Variants in GPC6 observed in about 807,000 individuals in gnomAD.
GPC6 encodes the protein glypican 6, also known as glypican-6.
A neutral mutation model predicts 55.2 loss-of-function variants in GPC6; 14 were observed. That is an observed-to-expected ratio of 0.25 (90% CI 0.17 to 0.40). GPC6 has a LOEUF of 0.40. Among genes scored for constraint, GPC6 ranks in the 10% least tolerant of loss-of-function variants. The pLI is 1.00. For synonymous variants in GPC6, 278 were observed against 259.6 expected (o/e 1.07, Z -0.68); for missense variants, 641 against 708.5 (o/e 0.90, Z 1.08).
intron 3 of GPC6, among the ~76,000 whole-genome samples, chr13:93,897,313 A>G (rs1427623417): frequency 6.6e-6 from 1 of 152,082 alleles, no homozygotes; most frequent in Non-Finnish European, 1.5e-5. Flanking sequence ...AATAGTTAGG[A>G]GAGAATAATT....
intron 1 of GPC6, among the ~76,000 whole-genome samples, chr13:93,249,704 G>C (rs1474381955): frequency 1.3e-5 from 2 of 152,224 alleles, no homozygotes. Flanking sequence ...GCAGAGGTAA[G>C]AGAAAAACAG....
chr13:93,885,926 G>C (rs1875297273), intron 3 of GPC6, among the ~76,000 whole-genome samples: 1 of 152,090 alleles, frequency 6.6e-6, no homozygotes, highest in Non-Finnish European at 1.5e-5. Flanking sequence ...GATGCAGGTG[G>C]TTGGTATATT....
At chr13:94,288,928 AATAT>A (rs1349033001) in intron 5 of GPC6, among the ~76,000 whole-genome samples, 54 of 113,886 alleles carry the variant, frequency 4.7e-4, no homozygotes, top group African/African-American at 2.1e-3. Flanking sequence ...ATATATAACA[AATAT>A]AGATAGATAG....
chr13:93,433,192 C>A (rs61964175), intron 1 of GPC6, among the ~76,000 whole-genome samples: 1 of 151,812 alleles, frequency 6.6e-6, no homozygotes, highest in Non-Finnish European at 1.5e-5. Flanking sequence ...GTGATGCACC[C>A]TGACAAACGG....
At chr13:94,398,073 G>T (rs1190586123) in intron 7 of GPC6, among the ~76,000 whole-genome samples, 1 of 152,144 alleles carries the variant, frequency 6.6e-6, no homozygotes, top group Non-Finnish European at 1.5e-5. Flanking sequence ...GGTCTCTCCA[G>T]CTATGTGGAA....
chr13:93,322,660 G>A (rs182007152), intron 1 of GPC6, among the ~76,000 whole-genome samples: 1,735 of 151,516 alleles, frequency 0.011, 29 homozygotes, highest in African/African-American at 0.04. Context: ...GGCTGGTGTC[G>A]AACTCCTGAC....
intron 3 of GPC6, among the ~76,000 whole-genome samples, chr13:93,914,755 C>A (rs879625916): frequency 3.3e-5 from 5 of 152,056 alleles, no homozygotes; most frequent in African/African-American, 1.2e-4. Flanking sequence ...TGAGTAAACA[C>A]CCAATGCTGG....
chr13:93,777,074 A>G (rs1353344285), intron 2 of GPC6, among the ~76,000 whole-genome samples: 1 of 152,168 alleles, frequency 6.6e-6, no homozygotes, highest in African/African-American at 2.4e-5. Flanking sequence ...CAAAAAGGAC[A>G]TACTTCCCAT....
At position 94,403,030 on chromosome 13, in the gene GPC6, G is replaced by C. The variant is rs754752443; in HGVS notation, c.1481G>C (p.Gly494Ala). Residue 494 changes from glycine (G) to alanine (A), a missense_variant, in exon 9 of 9, where the codon GGC (glycine) becomes GCC (alanine). Physicochemically the swap from Gly to Ala is moderately conservative, Grantham distance 60. Transcript: ENST00000377047. ...TCCACACTAGGTGATGAATCCAGTG[G>C]CTCAGGGAGTGGCAGTGGGTGCATG... ...NFQDTSDESS[G>A]SGSGSGCMDD... The C allele has an allele frequency of 4.3e-6, 7 of 1,611,646 alleles. No homozygotes were observed. The highest frequency in any genetic ancestry group is 1.6e-4 in the Middle Eastern group (1 of 6,082).
intron 4 of GPC6, among the ~76,000 whole-genome samples, chr13:94,145,202 T>C (rs1887520225): frequency 6.6e-6 from 1 of 151,870 alleles, no homozygotes; most frequent in Non-Finnish European, 1.5e-5. Context: ...ATGGATAAAA[T>C]ATATTAAAAT....
At chr13:93,919,384 TGCTTCTGTG>T (rs1877451327) in intron 3 of GPC6, among the ~76,000 whole-genome samples, 1 of 152,222 alleles carries the variant, frequency 6.6e-6, no homozygotes, top group Non-Finnish European at 1.5e-5. Flanking sequence ...TAAAAAACAC[TGCTTCTGTG>T]GCACTGCTGA....
At chr13:93,264,802 T>A (rs890528144) in intron 1 of GPC6, among the ~76,000 whole-genome samples, 2 of 152,194 alleles carry the variant, frequency 1.3e-5, no homozygotes, top group African/African-American at 4.8e-5. Context: ...TATTATTTTT[T>A]ATGATTGTAT....
intron 1 of GPC6, among the ~76,000 whole-genome samples, chr13:93,494,737 A>T (rs1185468489): frequency 6.6e-6 from 1 of 151,530 alleles, no homozygotes; most frequent in Non-Finnish European, 1.5e-5. Flanking sequence ...AAAATCTCTC[A>T]GCATTTGCTT....
At chr13:93,529,114 A>G (rs868326773) in intron 1 of GPC6, among the ~76,000 whole-genome samples, 1 of 152,202 alleles carries the variant, frequency 6.6e-6, no homozygotes, top group South Asian at 2.1e-4. Flanking sequence ...ATCCCAGTGC[A>G]TATACAATAT....
chr13:94,122,238 A>G (rs548660556), intron 4 of GPC6, among the ~76,000 whole-genome samples: 79 of 152,150 alleles, frequency 5.2e-4, no homozygotes, highest in African/African-American at 1.8e-3. Flanking sequence ...ACTGTGTGCC[A>G]TGTTTTGTGT....
chr13:94,039,470 G>A (rs1293586093), intron 4 of GPC6, among the ~76,000 whole-genome samples: 1 of 151,684 alleles, frequency 6.6e-6, no homozygotes, highest in African/African-American at 2.4e-5. Context: ...AAAGAAGAGG[G>A]CAAAGCAAAA....
At chr13:93,414,010 A>G (rs555549595) in intron 1 of GPC6, among the ~76,000 whole-genome samples, 4 of 152,316 alleles carry the variant, frequency 2.6e-5, no homozygotes, top group African/African-American at 4.8e-5. Context: ...ACTTCCCACC[A>G]AAAAGAATAA....
intron 1 of GPC6, among the ~76,000 whole-genome samples, chr13:93,296,678 C>T (rs995772850): frequency 2.0e-5 from 3 of 152,186 alleles, no homozygotes; most frequent in Admixed American, 6.5e-5. Context: ...AAACAACTAA[C>T]TGGACTATGT....
chr13:93,754,508 A>C (rs1237531235), intron 2 of GPC6, among the ~76,000 whole-genome samples: 2 of 152,118 alleles, frequency 1.3e-5, no homozygotes, highest in Non-Finnish European at 1.5e-5. Flanking sequence ...AGAAAATGAC[A>C]CATATGGCTG....
Sources: allele counts gnomAD v4.1 joint callset (sites outside exome capture counted in the v4.1 genomes callset), GRCh38; gene constraint gnomAD v4.1.1; transcripts MANE v1.5; gene names NCBI Gene and HGNC (gene_info 2026-07-23, HGNC 2026-07-21).